MAP4K3: variants seen among roughly 807,000 people sequenced by gnomAD.
MAP4K3 encodes the protein mitogen-activated protein kinase kinase kinase kinase 3.
MAP4K3 carries 94 observed loss-of-function variants against 143.5 expected under a neutral mutation model. That is an observed-to-expected ratio of 0.65 (90% CI 0.55 to 0.78). MAP4K3 has a LOEUF of 0.78. MAP4K3 is among the 30% of genes least tolerant of loss of function. The pLI, the probability that MAP4K3 is intolerant of heterozygous loss-of-function variation, is 0.00. For synonymous variants in MAP4K3, 416 were observed against 347.2 expected (o/e 1.20, Z -2.20); for missense variants, 1,077 against 1,068.1 (o/e 1.01, Z -0.12).
chr2:39,430,797 C>G (rs1384006305), intron 1 of MAP4K3, among the ~76,000 whole-genome samples: 1 of 152,118 alleles, frequency 6.6e-6, no homozygotes, highest in Non-Finnish European at 1.5e-5. Context: ...AGATTTAAGA[C>G]CTAATAATAA....
At chr2:39,292,852 T>C (rs1357659537) in intron 17 of MAP4K3, 26 bp from the exon 18 acceptor site, 2 of 1,586,784 alleles carry the variant, frequency 1.3e-6, no homozygotes, top group Non-Finnish European at 8.6e-7. Flanking sequence ...AATGTCATTG[T>C]TATTAAATGG....
At chr2:39,355,776 G>A (rs919954149) in intron 3 of MAP4K3, among the ~76,000 whole-genome samples, 5 of 151,998 alleles carry the variant, frequency 3.3e-5, no homozygotes, top group Non-Finnish European at 7.4e-5. Context: ...TTTAGGACCT[G>A]GAAAAATAAG....
intron 32 of MAP4K3, 73 bp from the exon 33 acceptor site, chr2:39,251,958 T>C: frequency 1.0e-6 from 1 of 953,814 alleles, no homozygotes; most frequent in Non-Finnish European, 1.7e-6. Context: ...TTCATTATAA[T>C]TCAACAGAAA....
rs575208451 is a variant in MAP4K3, at chr2:39,417,765, C to G, written c.96+19127G>C. Among the ~76,000 whole-genome samples the G allele has an allele frequency of 8.8e-4, 134 of 152,286 alleles. 1 individual carries two copies. Among genetic ancestry groups the G allele is most frequent in the African/African-American group, 3.0e-3 (123 of 41,570 alleles). ...CAATGACACGCCAACAGCAAACATA[C>G]TCAGAGCCCAGATCTTGGTATCTAA... On this transcript the variant is annotated intron_variant, in intron 1 of 33. Coordinates refer to ENST00000263881, the MANE Select transcript of MAP4K3 (RefSeq NM_003618.4).
chr2:39,385,573 T>C (rs1360753927), intron 1 of MAP4K3, among the ~76,000 whole-genome samples: 14 of 138,762 alleles, frequency 1.0e-4, no homozygotes, highest in Non-Finnish European at 1.7e-4. Context: ...TATATATATA[T>C]ATATATATAT....
intron 2 of MAP4K3, among the ~76,000 whole-genome samples, chr2:39,377,321 G>A (rs1666246545): frequency 6.6e-6 from 1 of 150,666 alleles, no homozygotes; most frequent in Admixed American, 6.7e-5. Flanking sequence ...AGCTTGTAAA[G>A]GAAGAAGTCA....
At chr2:39,366,551 A>C (rs539225595) in intron 2 of MAP4K3, among the ~76,000 whole-genome samples, 1 of 152,336 alleles carries the variant, frequency 6.6e-6, no homozygotes, top group African/African-American at 2.4e-5. Context: ...GAATTCAGAA[A>C]GGGAAGAGGG....
intron 1 of MAP4K3, among the ~76,000 whole-genome samples, chr2:39,433,672 A>G (rs1165229834): frequency 6.6e-6 from 1 of 152,186 alleles, no homozygotes; most frequent in African/African-American, 2.4e-5. Context: ...TATTAATTTC[A>G]GAGCACTCCA....
At chr2:39,357,625 A>C (rs951757734) in intron 2 of MAP4K3, among the ~76,000 whole-genome samples, 6 of 152,218 alleles carry the variant, frequency 3.9e-5, no homozygotes, top group Admixed American at 2.0e-4. Flanking sequence ...ACAAAATCAC[A>C]AATCTCCAAA....
chr2:39,404,421 G>T (rs899761965), intron 1 of MAP4K3, among the ~76,000 whole-genome samples: 2 of 152,110 alleles, frequency 1.3e-5, no homozygotes, highest in African/African-American at 4.8e-5. Context: ...GGTCTTAAGT[G>T]AACATCAGCG....
intron 1 of MAP4K3, among the ~76,000 whole-genome samples, chr2:39,387,398 T>C (rs1162481715): frequency 6.6e-6 from 1 of 152,238 alleles, no homozygotes; most frequent in Non-Finnish European, 1.5e-5. Context: ...TATTTAGATA[T>C]TGATATCTTT....
At chr2:39,436,464 G>A (rs1273783031) in intron 1 of MAP4K3, among the ~76,000 whole-genome samples, 3 of 152,102 alleles carry the variant, frequency 2.0e-5, no homozygotes, top group Admixed American at 1.3e-4. Flanking sequence ...GTGGGCAGCA[G>A]CTCCCAACCT....
chr2:39,332,065 T>C, intron 7 of MAP4K3, 76 bp from the exon 8 acceptor site: 1 of 740,904 alleles, frequency 1.3e-6, no homozygotes, highest in Non-Finnish European at 2.2e-6. Context: ...AAAGAAACTT[T>C]TAAAAGTTAT....
intron 22 of MAP4K3, among the ~76,000 whole-genome samples, chr2:39,281,253 A>T (rs1681514574): frequency 6.6e-6 from 1 of 152,254 alleles, no homozygotes; most frequent in Admixed American, 6.5e-5. Context: ...CACGGAGGTA[A>T]CATACTGAAC....
In MAP4K3 at chr2:39,292,816, C is replaced by A; in HGVS notation, c.1228G>T (p.Ala410Ser). Residue 410 changes from alanine to serine, a missense_variant, in exon 18 of 34, where the codon GCA becomes TCA. Physicochemically the swap from Ala to Ser is moderately conservative, Grantham distance 99. Transcript: ENST00000263881. ...TCTCCTTCATCATCTTCTAAATGTGCGACGTGTCCTCTAAATAAAAAGGAT... is the reference window on the plus strand; with the variant it reads ...TCTCCTTCATCATCTTCTAAATGTGAGACGTGTCCTCTAAATAAAAAGGAT... Reference protein sequence around the residue: ...EEELHQRGHVAHLEDDEGDDD... With the variant: ...EEELHQRGHVSHLEDDEGDDD... 2 of 1,611,878 alleles carry A rather than the reference C, an allele frequency of 1.2e-6. No homozygotes were observed. Among genetic ancestry groups the A allele is most frequent in the South Asian group, 2.2e-5 (2 of 91,022 alleles).
At chr2:39,291,436 C>A (rs1283947371) in intron 18 of MAP4K3, among the ~76,000 whole-genome samples, 1 of 152,114 alleles carries the variant, frequency 6.6e-6, no homozygotes, top group Non-Finnish European at 1.5e-5. Flanking sequence ...ATAAATGATA[C>A]AGTATAAAAT....
chr2:39,306,618 T>A (rs1279873279), intron 15 of MAP4K3, among the ~76,000 whole-genome samples: 2 of 152,146 alleles, frequency 1.3e-5, no homozygotes, highest in African/African-American at 4.8e-5. Context: ...TTTGATAATT[T>A]AAATCTACTT....
intron 1 of MAP4K3, among the ~76,000 whole-genome samples, chr2:39,383,885 G>A (rs974297182): frequency 6.6e-6 from 1 of 151,926 alleles, no homozygotes; most frequent in Non-Finnish European, 1.5e-5. Flanking sequence ...TGGGCAGATC[G>A]CTTGAGCCCA....
intron 2 of MAP4K3, among the ~76,000 whole-genome samples, chr2:39,375,544 T>C (rs1011276151): frequency 6.6e-6 from 1 of 152,224 alleles, no homozygotes; most frequent in African/African-American, 2.4e-5. Context: ...GTAGCAACTA[T>C]TTGCTAAGCG....
Sources: allele counts gnomAD v4.1 joint callset (sites outside exome capture counted in the v4.1 genomes callset), GRCh38; gene constraint gnomAD v4.1.1; transcripts MANE v1.5; gene names NCBI Gene and HGNC (gene_info 2026-07-23, HGNC 2026-07-21).